The following ST18 variants were observed in gnomAD, a reference collection of about 807,000 sequenced individuals.
ST18 encodes ST18 C2H2C-type zinc finger transcription factor, also known as suppression of tumorigenicity 18 protein.
Under a neutral mutation model 110.0 loss-of-function variants are expected in ST18, and 50 were observed. That is an observed-to-expected ratio of 0.45 (90% CI 0.36 to 0.58). The LOEUF (loss-of-function observed/expected upper bound fraction) is 0.58. Ranked by LOEUF, ST18 falls within the 20% of genes least tolerant of loss-of-function variation. The pLI is 0.00. For synonymous variants in ST18, 461 were observed against 452.4 expected, an observed-to-expected ratio of 1.02 and a Z score of -0.24; for missense variants, 1,306 against 1,280.1, an observed-to-expected ratio of 1.02 and a Z score of -0.31.
At chr8:52,142,211 T>C (rs866177791) in intron 17 of ST18, among the ~76,000 whole-genome samples, 12 of 152,064 alleles carry the variant, frequency 7.9e-5, no homozygotes, top group African/African-American at 2.9e-4. Context: ...GCAACAACTT[T>C]CTTGATACGT....
In ST18 at chr8:52,320,436, A is replaced by G. The variant is rs376537730; in HGVS notation, c.-465+88892T>C. 3.3e-5 allele frequency among the ~76,000 whole-genome samples: 5 copies of G among 152,284 alleles called. No homozygotes were observed. In the East Asian group the frequency reaches 5.8e-4, roughly 18 times the overall value. On this transcript the variant is annotated intron_variant, in intron 2 of 25. Coordinates refer to ENST00000689386, the MANE Select transcript of ST18 (RefSeq NM_001352837.2). Reference sequence around the variant, plus strand: ...TTAAAAATAGAAACTTAAGCTGCATATTGGGAGAAGATCCATGTAAAACAT... The same window carrying G: ...TTAAAAATAGAAACTTAAGCTGCATGTTGGGAGAAGATCCATGTAAAACAT...
chr8:52,150,813 G>GT (rs939227773), intron 15 of ST18: 2 of 152,224 alleles, frequency 1.3e-5, no homozygotes, highest in African/African-American at 4.8e-5. Context: ...TCTTGGTTTT[G>GT]TTTTTTCTGT....
intron 5 of ST18, among the ~76,000 whole-genome samples, chr8:52,218,236 A>G (rs1038544726): frequency 2.6e-5 from 4 of 152,016 alleles, no homozygotes; most frequent in African/African-American, 9.7e-5. Flanking sequence ...TATAATATAC[A>G]TTTATAAGTA....
chr8:52,300,561 T>C (rs1418735255), intron 2 of ST18, among the ~76,000 whole-genome samples: 2 of 152,220 alleles, frequency 1.3e-5, no homozygotes, highest in African/African-American at 2.4e-5. Context: ...AATCCTGCCC[T>C]CCACCTGTTT....
At chr8:52,170,888 G>A (rs1308937802) in intron 10 of ST18, among the ~76,000 whole-genome samples, 1 of 152,176 alleles carries the variant, frequency 6.6e-6, no homozygotes, top group Non-Finnish European at 1.5e-5. Context: ...ATAACTCTCA[G>A]CAATCAGAAC....
Position 52,377,435 on chromosome 8 carries a change from T to G in ST18, c.-465+31893A>C, listed in dbSNP as rs72643886. ...GGGAAGGAACAGCTCCAAGATATAG[T>G]GAAAAGATAACATTTCATGTTGTGG... On this transcript the variant is annotated intron_variant, in intron 2 of 25. Coordinates refer to ENST00000689386, the MANE Select transcript of ST18 (RefSeq NM_001352837.2). 9.3e-4 allele frequency among the ~76,000 whole-genome samples: 141 copies of G among 152,270 alleles called. 2 individuals are homozygous for G. Among genetic ancestry groups the G allele is most frequent in the Admixed American group, 2.2e-3 (33 of 15,296 alleles).
intron 25 of ST18, among the ~76,000 whole-genome samples, chr8:52,114,461 C>A (rs577904424): frequency 2.0e-5 from 3 of 152,176 alleles, no homozygotes; most frequent in Non-Finnish European, 4.4e-5. Context: ...AGACTTACTT[C>A]GCAAAGGTGC....
At chr8:52,166,622 G>T (rs572948800) in intron 11 of ST18, among the ~76,000 whole-genome samples, 2 of 152,322 alleles carry the variant, frequency 1.3e-5, no homozygotes, top group East Asian at 3.9e-4. Flanking sequence ...ACACTGTGAG[G>T]AACTAGCTGT....
intron 2 of ST18, among the ~76,000 whole-genome samples, chr8:52,295,547 T>G (rs1303498123): frequency 2.6e-5 from 4 of 152,112 alleles, no homozygotes; most frequent in Non-Finnish European, 5.9e-5. Flanking sequence ...ACAGAAATTT[T>G]GCCTGATGCA....
intron 2 of ST18, among the ~76,000 whole-genome samples, chr8:52,314,482 G>A (rs1203747593): frequency 6.6e-6 from 1 of 152,180 alleles, no homozygotes; most frequent in African/African-American, 2.4e-5. Flanking sequence ...AGTCATCAAA[G>A]GCACTTGCCT....
intron 2 of ST18, among the ~76,000 whole-genome samples, chr8:52,244,260 C>T (rs183836599): frequency 8.5e-5 from 13 of 152,234 alleles, no homozygotes; most frequent in East Asian, 5.8e-4. Context: ...GAAACCCGCA[C>T]GCTGTTCTAT....
chr8:52,363,594 A>T (rs1414222003), intron 2 of ST18, among the ~76,000 whole-genome samples: 1 of 152,182 alleles, frequency 6.6e-6, no homozygotes, highest in East Asian at 1.9e-4. Context: ...ATAATTTTTT[A>T]TCTAGCAGTG....
chr8:52,126,838 A>G (rs1481490629), intron 22 of ST18, among the ~76,000 whole-genome samples: 2 of 152,170 alleles, frequency 1.3e-5, no homozygotes, highest in African/African-American at 4.8e-5. Flanking sequence ...TAGTAGTGGC[A>G]CTCTTCAGCA....
chr8:52,266,592 A>G (rs2094879559), intron 2 of ST18, among the ~76,000 whole-genome samples: 2 of 141,702 alleles, frequency 1.4e-5, no homozygotes, highest in Non-Finnish European at 3.0e-5. Flanking sequence ...CCCAGGCTGG[A>G]GTGCAGTGGC....
At chr8:52,252,811 A>G (rs1230649695) in intron 2 of ST18, among the ~76,000 whole-genome samples, 1 of 151,966 alleles carries the variant, frequency 6.6e-6, no homozygotes, top group Non-Finnish European at 1.5e-5. Flanking sequence ...TTGAATATTT[A>G]GAAGAAGGAG....
chr8:52,283,350 G>T (rs16917626), intron 2 of ST18, among the ~76,000 whole-genome samples: 1 of 152,182 alleles, frequency 6.6e-6, no homozygotes, highest in Non-Finnish European at 1.5e-5. Context: ...GTGAGCATTG[G>T]CAGCACAGCG....
rs532224036 is a variant in ST18 at position 52,277,125 on chromosome 8, C to T, written c.-464-47048G>A. ...GGAGACCTCTTAGGTCAGAGACTGC[C>T]TGAAGGACTGCAGAAGGCATGGGGT... On this transcript the variant is annotated intron_variant, in intron 2 of 25. Coordinates refer to ENST00000689386, the MANE Select transcript of ST18 (RefSeq NM_001352837.2). 6.6e-5 allele frequency among the ~76,000 whole-genome samples: 10 copies of T among 152,302 alleles called. No individual in the cohort carries two copies. The South Asian group carries it at 2.1e-3, about 32-fold the overall frequency.
intron 2 of ST18, among the ~76,000 whole-genome samples, chr8:52,365,703 T>G (rs1590287461): frequency 6.8e-6 from 1 of 146,812 alleles, no homozygotes; most frequent in African/African-American, 2.5e-5. Flanking sequence ...GTTTGGGGGG[T>G]GGGGGGTTTC....
chr8:52,221,947 G>T (rs185280324), intron 3 of ST18, 154 bp from the exon 4 acceptor site: 2 of 151,638 alleles, frequency 1.3e-5, no homozygotes, highest in East Asian at 1.9e-4. Context: ...AATGTTTTTG[G>T]CCTATTCTAT....
Sources: gnomAD v4.1 joint callset for allele counts (sites outside exome capture counted in the v4.1 genomes callset) on GRCh38, gnomAD v4.1.1 for gene constraint, MANE v1.5 for transcripts, NCBI Gene and HGNC (gene_info 2026-07-23, HGNC 2026-07-21) for gene names.